The following MED13 variants were observed in gnomAD, a reference collection of about 807,000 sequenced individuals.
MED13 encodes the protein mediator complex subunit 13, also known as mediator of RNA polymerase II transcription subunit 13.
MED13 carries 23 observed loss-of-function variants against 225.2 expected under a neutral mutation model. The observed-to-expected ratio is 0.10, with a 90% CI of 0.07 to 0.14. The LOEUF (loss-of-function observed/expected upper bound fraction) is 0.14, where lower values mean the gene tolerates loss of function less well. MED13 is among the 10% of genes least tolerant of loss of function. The pLI is 1.00. For synonymous variants in MED13, 942 were observed against 889.2 expected (o/e 1.06, Z -1.06); for missense variants, 2,197 against 2,594.5 (o/e 0.85, Z 3.33).
chr17:61,982,936 C>CACGAGGAGT lies in MED13; in HGVS notation c.3058_3066dup (p.Thr1020_Arg1022dup), dbSNP rs1193911370. 6.2e-7 allele frequency: 1 copy of CACGAGGAGT among 1,614,010 alleles called. No individual in the cohort carries two copies. Among genetic ancestry groups the CACGAGGAGT allele is most frequent in the Non-Finnish European group, 8.5e-7 (1 of 1,180,028 alleles). On this transcript the variant is annotated inframe_insertion, in exon 16 of 30. Coordinates refer to ENST00000397786, the MANE Select transcript of MED13 (RefSeq NM_005121.3). ...TGAGCACTAGCAGGTCCACCAGCTC[C>CACGAGGAGT]ACGAGGAGTCCGAGGAGTCCTTGGA... is the stretch of plus-strand genomic sequence containing the variant.
At chr17:61,960,582 C>A (rs1287684471) in intron 23 of MED13, among the ~76,000 whole-genome samples, 1 of 152,108 alleles carries the variant, frequency 6.6e-6, no homozygotes, top group East Asian at 1.9e-4. Context: ...CATTTTTTTA[C>A]ATCTTTCAAA....
intron 8 of MED13, among the ~76,000 whole-genome samples, chr17:62,019,878 G>A (rs2080621542): frequency 6.6e-6 from 1 of 151,712 alleles, no homozygotes; most frequent in Non-Finnish European, 1.5e-5. Context: ...CGAGTAGCTG[G>A]GACTATAGGC....
At chr17:61,971,107 T>C (rs970490019) in intron 17 of MED13, among the ~76,000 whole-genome samples, 1 of 152,042 alleles carries the variant, frequency 6.6e-6, no homozygotes, top group African/African-American at 2.4e-5. Flanking sequence ...GTAATGATAA[T>C]GGTGGTAACA....
At chr17:62,062,990 T>C in intron 2 of MED13, 77 bp downstream of exon 2, 1 of 1,110,652 alleles carries the variant, frequency 9.0e-7, no homozygotes, top group Non-Finnish European at 1.3e-6. Flanking sequence ...CAAACTTAAT[T>C]TGTAATACAT....
At chr17:62,030,790 G>A (rs1442574885) in intron 6 of MED13, 1 of 152,192 alleles carries the variant, frequency 6.6e-6, no homozygotes, top group East Asian at 1.9e-4. Flanking sequence ...TGCATGAATC[G>A]ATGGGTCAGA....
intron 28 of MED13, 97 bp from the exon 29 acceptor site, chr17:61,947,114 A>G: frequency 2.5e-6 from 2 of 815,812 alleles, no homozygotes; most frequent in Non-Finnish European, 4.1e-6. Context: ...TAAAATGATG[A>G]AATACATTTT....
At chr17:62,036,298 T>C (rs1358922903) in intron 3 of MED13, among the ~76,000 whole-genome samples, 2 of 152,082 alleles carry the variant, frequency 1.3e-5, no homozygotes, top group Admixed American at 6.6e-5. Flanking sequence ...AAAGCAATAA[T>C]GGGTCTTACA....
intron 16 of MED13, among the ~76,000 whole-genome samples, chr17:61,980,900 G>A (rs1339600278): frequency 6.6e-6 from 1 of 151,854 alleles, no homozygotes; most frequent in Non-Finnish European, 1.5e-5. Context: ...GCCCCACCAT[G>A]CTGGCTAATT....
chr17:62,013,774 C>T (rs888405344), intron 8 of MED13, among the ~76,000 whole-genome samples: 3 of 152,212 alleles, frequency 2.0e-5, no homozygotes, highest in African/African-American at 7.2e-5. Flanking sequence ...GATGCAGTGG[C>T]TCACACCTGT....
chr17:61,958,905 G>GT (rs544792198), intron 23 of MED13, among the ~76,000 whole-genome samples: 2 of 152,108 alleles, frequency 1.3e-5, no homozygotes, highest in South Asian at 4.1e-4. Context: ...TTACAGATAA[G>GT]TAAGCTGTAT....
intron 8 of MED13, among the ~76,000 whole-genome samples, chr17:62,013,383 A>G (rs1431093696): frequency 6.6e-6 from 1 of 152,212 alleles, no homozygotes; most frequent in Non-Finnish European, 1.5e-5. Context: ...TGTAGCATTC[A>G]AAAGAAAAAA....
At chr17:61,990,742 G>T (rs980379578) in intron 11 of MED13, among the ~76,000 whole-genome samples, 3 of 151,562 alleles carry the variant, frequency 2.0e-5, no homozygotes, top group Admixed American at 1.3e-4. Context: ...AGTTAAATGG[G>T]TTTTGTAAAT....
chr17:62,064,152 A>C (rs759740372), intron 1 of MED13, among the ~76,000 whole-genome samples: 10 of 152,342 alleles, frequency 6.6e-5, no homozygotes, highest in Admixed American at 1.3e-4. Flanking sequence ...CACTTAACTC[A>C]CTTACCTATC....
chr17:61,952,485 A>G (rs2079904924), intron 27 of MED13, among the ~76,000 whole-genome samples: 1 of 152,200 alleles, frequency 6.6e-6, no homozygotes, highest in South Asian at 2.1e-4. Flanking sequence ...CTACAAAAAA[A>G]TGACTAATGC....
intron 17 of MED13, among the ~76,000 whole-genome samples, chr17:61,970,335 T>A (rs1416737206): frequency 6.6e-6 from 1 of 152,130 alleles, no homozygotes; most frequent in Non-Finnish European, 1.5e-5. Flanking sequence ...ATCAGCATCC[T>A]ACTAGGCAAG....
At chr17:61,979,364 C>T (rs1297662413) in intron 16 of MED13, among the ~76,000 whole-genome samples, 1 of 152,120 alleles carries the variant, frequency 6.6e-6, no homozygotes, top group Non-Finnish European at 1.5e-5. Flanking sequence ...GGCTGGAGTG[C>T]AGTGGTACAA....
At chr17:62,019,872 T>C (rs905437121) in intron 8 of MED13, among the ~76,000 whole-genome samples, 4 of 151,806 alleles carry the variant, frequency 2.6e-5, no homozygotes, top group Non-Finnish European at 2.9e-5. Context: ...GCCTCCCGAG[T>C]AGCTGGGACT....
rs1225516728 is a variant in MED13, at chr17:61,982,947, CGAG to C, written c.3053_3055del (p.Pro1018del). 1 of 1,613,996 alleles carries C rather than the reference CGAG, an allele frequency of 6.2e-7. No homozygotes were observed. The highest frequency in any genetic ancestry group is 8.5e-7 in the Non-Finnish European group (1 of 1,179,996). On this transcript the variant is annotated inframe_deletion, in exon 16 of 30. Transcript: ENST00000397786. ...AGGTCCACCAGCTCCACGAGGAGTC[CGAG>C]GAGTCCTTGGAGTCCTTGGAGTTGG...
chr17:62,015,900 C>CT (rs2080562923), intron 8 of MED13, among the ~76,000 whole-genome samples: 1 of 80,016 alleles, frequency 1.2e-5, no homozygotes, highest in African/African-American at 4.4e-5. Context: ...CACACACACA[C>CT]ATACACACTA....
Sources: allele counts gnomAD v4.1 joint callset (sites outside exome capture counted in the v4.1 genomes callset), GRCh38; gene constraint gnomAD v4.1.1; transcripts MANE v1.5; gene names NCBI Gene and HGNC (gene_info 2026-07-23, HGNC 2026-07-21).